MAST4: variants seen among roughly 807,000 people sequenced by gnomAD.
MAST4 encodes the protein microtubule-associated serine/threonine-protein kinase 4.
Under a neutral mutation model 162.7 loss-of-function variants are expected in MAST4, and 89 were observed. The ratio of observed to expected loss-of-function variants is 0.55; its 90% confidence interval spans 0.46 to 0.65. MAST4 has a LOEUF of 0.65. Among genes scored for constraint, MAST4 ranks in the 30% least tolerant of loss-of-function variants. The probability of loss-of-function intolerance (pLI) is 0.00; values close to 1 mark genes in which losing one functional copy is unlikely to be tolerated. For synonymous variants in MAST4, 1,479 were observed against 1,361.1 expected, an observed-to-expected ratio of 1.09 and a Z score of -1.91; for missense variants, 3,153 against 3,374.0, an observed-to-expected ratio of 0.93 and a Z score of 1.62.
intron 1 of MAST4, among the ~76,000 whole-genome samples, chr5:66,601,814 A>G (rs1742571680): frequency 6.6e-6 from 1 of 152,154 alleles, no homozygotes; most frequent in African/African-American, 2.4e-5. Context: ...CAAAGAAGTG[A>G]CATGATCAGA....
intron 4 of MAST4, among the ~76,000 whole-genome samples, chr5:67,024,334 T>TACAC (rs545603018): frequency 0.07 from 9,273 of 133,050 alleles, 359 homozygotes; most frequent in Middle Eastern, 0.14. Flanking sequence ...TCTATATATA[T>TACAC]ATACACACAC....
chr5:67,070,023 C>T (rs187443505), intron 5 of MAST4, among the ~76,000 whole-genome samples: 143 of 151,838 alleles, frequency 9.4e-4, no homozygotes, highest in Admixed American at 1.7e-3. Context: ...GGTAAAAAGC[C>T]CACTTCCTTG....
intron 4 of MAST4, among the ~76,000 whole-genome samples, chr5:67,009,527 G>A (rs752755796): frequency 2.6e-5 from 4 of 152,130 alleles, no homozygotes; most frequent in Non-Finnish European, 5.9e-5. Context: ...CACTTGCTCC[G>A]TCTATAAAAT....
At chr5:66,630,976 G>A (rs1353908401) in intron 1 of MAST4, among the ~76,000 whole-genome samples, 3 of 152,158 alleles carry the variant, frequency 2.0e-5, no homozygotes, top group African/African-American at 4.8e-5. Context: ...TGAGGTTTGG[G>A]TTCTACCTTA....
intron 19 of MAST4, among the ~76,000 whole-genome samples, chr5:67,137,487 GT>G (rs1936907069): frequency 6.6e-6 from 1 of 152,154 alleles, no homozygotes; most frequent in Non-Finnish European, 1.5e-5. Context: ...ACTCTGGGCT[GT>G]TTCATTCTAC....
chr5:67,045,431 T>C (rs985455819), intron 4 of MAST4, among the ~76,000 whole-genome samples: 8 of 152,228 alleles, frequency 5.3e-5, no homozygotes, highest in African/African-American at 1.7e-4. Flanking sequence ...CTGATATGTC[T>C]AACTTTGAAA....
At chr5:66,835,292 T>C (rs968391535) in intron 3 of MAST4, among the ~76,000 whole-genome samples, 1 of 152,190 alleles carries the variant, frequency 6.6e-6, no homozygotes, top group African/African-American at 2.4e-5. Context: ...AGTTTACTTC[T>C]TTTAATCACA....
At chr5:66,833,775 T>A (rs1366247974) in intron 3 of MAST4, among the ~76,000 whole-genome samples, 1 of 152,222 alleles carries the variant, frequency 6.6e-6, no homozygotes, top group East Asian at 1.9e-4. Flanking sequence ...TCTAATCCTA[T>A]AACATGCATT....
Position 67,165,050 on chromosome 5 carries a change from C to T in MAST4, c.5871C>T (p.Leu1957=). 2 of 1,606,146 alleles carry T rather than the reference C, an allele frequency of 1.2e-6. No individual in the cohort carries two copies. Among genetic ancestry groups the T allele is most frequent in the South Asian group, 1.1e-5 (1 of 89,958 alleles). Reference sequence around the variant, plus strand: ...ACCTGGCCAGGCCACGCTGCCCGCTCCCACCTGAAGCTTCCCCCTCAAGGG... The same window carrying T: ...ACCTGGCCAGGCCACGCTGCCCGCTTCCACCTGAAGCTTCCCCCTCAAGGG... The part of the protein sequence containing the change: ...SPDLARPRCP[L]PPEASPSREK... The change falls in exon 29 of 29, where the codon CTC becomes CTT. Residue 1957 remains leucine, a synonymous_variant. Coordinates refer to ENST00000403625, the MANE Select transcript of MAST4 (RefSeq NM_001164664.2).
At chr5:66,944,359 T>C (rs1743732460) in intron 4 of MAST4, among the ~76,000 whole-genome samples, 1 of 152,146 alleles carries the variant, frequency 6.6e-6, no homozygotes, top group Non-Finnish European at 1.5e-5. Flanking sequence ...AAGCCATCTT[T>C]AGATGATACC....
At chr5:66,760,745 A>G (rs1218098785) in intron 2 of MAST4, among the ~76,000 whole-genome samples, 4 of 152,216 alleles carry the variant, frequency 2.6e-5, no homozygotes, top group African/African-American at 9.6e-5. Flanking sequence ...TTATAAAATT[A>G]GGTTCTAGTG....
chr5:67,104,686 CA>C (rs1765397817), intron 10 of MAST4, 111 bp downstream of exon 10: 6 of 448,064 alleles, frequency 1.3e-5, no homozygotes, highest in Non-Finnish European at 1.8e-5. Flanking sequence ...TCCAGAGAAG[CA>C]AAAAAGAAGG....
At chr5:66,600,042 T>G (rs1742455950) in intron 1 of MAST4, among the ~76,000 whole-genome samples, 1 of 152,168 alleles carries the variant, frequency 6.6e-6, no homozygotes, top group South Asian at 2.1e-4. Flanking sequence ...TAAAACTGTT[T>G]TGAATGTATT....
At chr5:66,652,888 C>T (rs1169467358) in intron 1 of MAST4, among the ~76,000 whole-genome samples, 2 of 152,226 alleles carry the variant, frequency 1.3e-5, no homozygotes, top group Non-Finnish European at 2.9e-5. Flanking sequence ...CTTCTCCCCA[C>T]TAAGTACCAA....
intron 1 of MAST4, among the ~76,000 whole-genome samples, chr5:66,658,496 G>A (rs1482156522): frequency 1.3e-5 from 2 of 152,166 alleles, no homozygotes; most frequent in Non-Finnish European, 2.9e-5. Flanking sequence ...GCAACAATTA[G>A]CATATAGTTT....
chr5:66,954,706 C>T (rs1016790122), intron 4 of MAST4, among the ~76,000 whole-genome samples: 3 of 152,000 alleles, frequency 2.0e-5, no homozygotes, highest in South Asian at 2.1e-4. Flanking sequence ...TTCAAGACAA[C>T]CCTGGCCAAC....
intron 4 of MAST4, among the ~76,000 whole-genome samples, chr5:67,046,346 T>C (rs1014062477): frequency 6.6e-6 from 1 of 152,214 alleles, no homozygotes. Context: ...TAGTGTATTC[T>C]GTAAAATTCT....
Position 67,163,664 on chromosome 5 carries a change from C to T in MAST4, c.4485C>T (p.Asp1495=), listed in dbSNP as rs376542118. The T allele has an allele frequency of 2.6e-4, 418 of 1,608,182 alleles. 1 individual carries two copies. The African/African-American group carries it at 5.1e-3, about 19-fold the overall frequency. ...PLQSLDENVC[D]VPPLSRARPV... ...AGAGCCTGGATGAGAACGTGTGCGA[C>T]GTGCCGCCGCTCAGCCGCGCCCGGC... Residue 1495 remains aspartate, a synonymous_variant, in exon 29 of 29, where the codon GAC becomes GAT. Transcript: ENST00000403625. This position sits in a 1 kb window ranked among gnomAD's most constrained non-coding sequence, Gnocchi z 7.0.
At chr5:66,991,341 G>T (rs1399778035) in intron 4 of MAST4, among the ~76,000 whole-genome samples, 1 of 152,168 alleles carries the variant, frequency 6.6e-6, no homozygotes, top group Non-Finnish European at 1.5e-5. Context: ...ATACTTACAT[G>T]TTATATGATG....
Sources: allele counts gnomAD v4.1 joint callset (sites outside exome capture counted in the v4.1 genomes callset), GRCh38; gene constraint gnomAD v4.1.1; non-coding constraint Gnocchi (gnomAD v3.1); transcripts MANE v1.5; gene names NCBI Gene and HGNC (gene_info 2026-07-23, HGNC 2026-07-21).